UGT2A3: variants seen among roughly 807,000 people sequenced by gnomAD.
UGT2A3 encodes the protein UDP-glucuronosyltransferase 2A3.
A neutral mutation model predicts 44.1 loss-of-function variants in UGT2A3; 55 were observed. The observed-to-expected ratio is 1.25, with a 90% confidence interval of 1.00 to 1.56. The LOEUF (loss-of-function observed/expected upper bound fraction) is 1.56. Among genes scored for constraint, UGT2A3 ranks in the 40% most tolerant of loss-of-function variants. The probability of loss-of-function intolerance (pLI) is 0.00; values close to 1 mark genes in which losing one functional copy is unlikely to be tolerated. For missense variants in UGT2A3, 733 were observed against 621.6 expected (o/e 1.18, Z -1.91); for synonymous variants, 243 against 215.1 (o/e 1.13, Z -1.13).
At chr4:68,937,610 G>A (rs972850403) in intron 2 of UGT2A3, among the ~76,000 whole-genome samples, 4 of 152,008 alleles carry the variant, frequency 2.6e-5, no homozygotes, top group African/African-American at 9.6e-5. Flanking sequence ...GAGAAAGCAG[G>A]AAAAATCTAA....
intron 2 of UGT2A3, 139 bp downstream of exon 2, chr4:68,945,167 C>T (rs915607698): frequency 1.1e-6 from 1 of 888,410 alleles, no homozygotes; most frequent in African/African-American, 1.7e-5. Flanking sequence ...TATAAGAGCC[C>T]CTGTGGCATG....
chr4:68,948,430 C>CTTTTTTTTATTTTTTTTTTTTTTTT (rs1553902662), intron 1 of UGT2A3, among the ~76,000 whole-genome samples: 1 of 69,706 alleles, frequency 1.4e-5, no homozygotes, highest in Non-Finnish European at 3.6e-5. Context: ...TTTTTCTTTT[C>CTTTTTTTTATTTTTTTTTTTTTTTT]TTTTTTTTCT....
At chr4:68,933,885 A>G (rs973755119) in intron 2 of UGT2A3, among the ~76,000 whole-genome samples, 3 of 152,042 alleles carry the variant, frequency 2.0e-5, no homozygotes, top group Non-Finnish European at 2.9e-5. Flanking sequence ...AGGTTCTGCT[A>G]TTAACTACAA....
At chr4:68,944,117 G>A (rs1718293593) in intron 2 of UGT2A3, among the ~76,000 whole-genome samples, 1 of 151,736 alleles carries the variant, frequency 6.6e-6, no homozygotes, top group South Asian at 2.1e-4. Flanking sequence ...TATGTGTTTG[G>A]TTAAGTTTCT....
intron 2 of UGT2A3, among the ~76,000 whole-genome samples, chr4:68,940,803 T>C (rs1380443777): frequency 2.2e-5 from 2 of 89,384 alleles, no homozygotes; most frequent in African/African-American, 6.3e-5. Context: ...CACACACACA[T>C]ATATAGCATA....
At chr4:68,939,735 G>T (rs1718113945) in intron 2 of UGT2A3, among the ~76,000 whole-genome samples, 1 of 152,088 alleles carries the variant, frequency 6.6e-6, no homozygotes, top group Non-Finnish European at 1.5e-5. Context: ...CACAGCAAAA[G>T]AAACTACCAT....
intron 1 of UGT2A3, among the ~76,000 whole-genome samples, chr4:68,946,270 A>G (rs766192037): frequency 4.6e-5 from 7 of 151,768 alleles, no homozygotes; most frequent in South Asian, 2.1e-4. Flanking sequence ...GATAAACTCC[A>G]TAAGAGAATT....
At chr4:68,947,610 T>A (rs1013683610) in intron 1 of UGT2A3, among the ~76,000 whole-genome samples, 10 of 151,824 alleles carry the variant, frequency 6.6e-5, no homozygotes, top group African/African-American at 2.2e-4. Context: ...AAAATCCTTT[T>A]GAAAAGGTTT....
chr4:68,940,838 T>C (rs951747428), intron 2 of UGT2A3, among the ~76,000 whole-genome samples: 5 of 150,028 alleles, frequency 3.3e-5, no homozygotes, highest in African/African-American at 1.2e-4. Flanking sequence ...AGTATGGCAG[T>C]GGCATGAAAA....
intron 2 of UGT2A3, 131 bp downstream of exon 2, chr4:68,945,175 A>G (rs1718337526): frequency 2.0e-6 from 2 of 1,010,504 alleles, no homozygotes; most frequent in Non-Finnish European, 2.9e-6. Context: ...CCCCTGTGGC[A>G]TGGAAAATAA....
At chr4:68,943,324 A>G in intron 2 of UGT2A3, 1 of 1,272,464 alleles carries the variant, frequency 7.9e-7, no homozygotes, top group Non-Finnish European at 1.0e-6. Flanking sequence ...CTGTATTTCT[A>G]TTTTAGATAC....
chr4:68,930,642 T>G lies in UGT2A3; in HGVS notation c.1208A>C (p.His403Pro), dbSNP rs765994007. The change falls in exon 5 of 6, where the codon CAC becomes CCC. Residue 403 changes from histidine to proline, a missense_variant. Transcript: ENST00000251566. ...TACAGCTGCTCCTTTGGCCTTCATG[T>G]GAGCTATGTTATCAAGCTGATCACC... ...IFGDQLDNIA[H>P]MKAKGAAVEI... is the part of the protein sequence containing the mutation. 1.2e-6 allele frequency: 2 copies of G among 1,613,622 alleles called. No individual in the cohort carries two copies. The highest frequency in any genetic ancestry group is 1.7e-6 in the Non-Finnish European group (2 of 1,179,690).
At chr4:68,942,562 T>C (rs1164445393) in intron 2 of UGT2A3, among the ~76,000 whole-genome samples, 1 of 147,058 alleles carries the variant, frequency 6.8e-6, no homozygotes, top group Non-Finnish European at 1.5e-5. Flanking sequence ...TTTATATATA[T>C]CCATTTCATT....
chr4:68,936,120 C>G lies in UGT2A3; in HGVS notation c.865-3361G>C, dbSNP rs181471572. On this transcript the variant is annotated intron_variant, in intron 2 of 5. Transcript: ENST00000251566. Reference sequence around the variant, plus strand: ...CCTGAATGTGATGGAGAGAATGGAACCAAGTTAGAAAACACTCTTCAGTAT... The same window carrying G: ...CCTGAATGTGATGGAGAGAATGGAAGCAAGTTAGAAAACACTCTTCAGTAT... Among the ~76,000 whole-genome samples the G allele has an allele frequency of 4.3e-3, 661 of 152,138 alleles. 2 individuals carry two copies. Among genetic ancestry groups the G allele is most frequent in the Non-Finnish European group, 7.6e-3 (516 of 67,988 alleles).
intron 2 of UGT2A3, among the ~76,000 whole-genome samples, chr4:68,933,223 G>A (rs112515648): frequency 0.023 from 3,458 of 152,066 alleles, 58 homozygotes; most frequent in Middle Eastern, 0.078. Context: ...GAAGAAAAGT[G>A]AAAAATCTTA....
intron 1 of UGT2A3, among the ~76,000 whole-genome samples, chr4:68,950,095 A>G (rs1297889530): frequency 6.6e-6 from 1 of 151,914 alleles, no homozygotes; most frequent in Non-Finnish European, 1.5e-5. Context: ...ACCCCTTTAA[A>G]TTAATATCTG....
At chr4:68,946,687 A>G (rs866569575) in intron 1 of UGT2A3, among the ~76,000 whole-genome samples, 1 of 151,696 alleles carries the variant, frequency 6.6e-6, no homozygotes, top group Non-Finnish European at 1.5e-5. Context: ...AGGAAAGAAA[A>G]TTAAATTTGC....
Position 68,951,132 on chromosome 4 carries a change from T to C in UGT2A3, c.629A>G (p.Lys210Arg), listed in dbSNP as rs150974029. Residue 210 changes from lysine (K) to arginine (R), a missense_variant, in exon 1 of 6, where the codon AAA becomes AGA. By Grantham distance (26) the Lys-to-Arg change is conservative (BLOSUM62 2). Transcript: ENST00000251566. ...GAACAAAACTGAAAGCATTGAATTT[T>C]TTACTCTTTCCAGAAAGGTCATTCT... ...TDRMTFLERV[K>R]NSMLSVLFHF... The C allele has an allele frequency of 2.5e-6, 4 of 1,611,702 alleles. No homozygotes were observed. In the South Asian group the frequency reaches 3.3e-5, roughly 13 times the overall value.
intron 2 of UGT2A3, among the ~76,000 whole-genome samples, chr4:68,935,662 G>A (rs538193536): frequency 1.8e-3 from 276 of 152,096 alleles, no homozygotes; most frequent in Non-Finnish European, 1.9e-3. Context: ...CTCCTCCAAA[G>A]GATTGCAGCT....
Sources: gnomAD v4.1 joint callset for allele counts (sites outside exome capture counted in the v4.1 genomes callset) on GRCh38, gnomAD v4.1.1 for gene constraint, MANE v1.5 for transcripts, NCBI Gene and HGNC (gene_info 2026-07-23, HGNC 2026-07-21) for gene names.